NDUFA5: variants seen among roughly 807,000 people sequenced by gnomAD.
NDUFA5 encodes the protein NADH dehydrogenase [ubiquinone] 1 alpha subcomplex subunit 5.
Under a neutral mutation model 19.8 loss-of-function variants are expected in NDUFA5, and 11 were observed. The observed-to-expected ratio is 0.56, with a 90% CI of 0.35 to 0.92. NDUFA5 has a LOEUF of 0.92. NDUFA5 is among the 40% of genes least tolerant of loss of function. The probability of loss-of-function intolerance (pLI) is 0.01; values close to 1 mark genes in which losing one functional copy is unlikely to be tolerated. For missense variants in NDUFA5, 109 were observed against 134.2 expected (o/e 0.81, Z 0.93); for synonymous variants, 47 against 46.8 (o/e 1.00, Z -0.01).
At position 123,540,924 on chromosome 7, in the gene NDUFA5, A is replaced by ACAC. The variant is rs1797922108; in HGVS notation, c.*1192_*1194dup. On this transcript the variant is annotated 3_prime_UTR_variant, in exon 5 of 5. Transcript: ENST00000355749. ...CACACACACACACACACACACACAC[A>ACAC]CACACACACACGTATACACAAAACC... is the stretch of plus-strand genomic sequence containing the variant. 1 of 152,844 alleles carries ACAC rather than the reference A, an allele frequency of 6.5e-6. No homozygotes were observed. Among genetic ancestry groups the ACAC allele is most frequent in the Non-Finnish European group, 1.5e-5 (1 of 68,766 alleles). 9.5% of individuals were successfully genotyped at this position (152,844 alleles called of 1,614,324 possible).
rs913201102 is a variant in NDUFA5, at chr7:123,539,888, A to G, written c.*2231T>C. ...GGTAAAGAGAGCAGGATCTAGTTTC[A>G]TTTGGTACAGCCCATACAGCACAGG... On this transcript the variant is annotated 3_prime_UTR_variant, in exon 5 of 5. Coordinates refer to ENST00000355749, the MANE Select transcript of NDUFA5 (RefSeq NM_005000.5). 1 of 152,218 alleles carries G rather than the reference A, an allele frequency of 6.6e-6. No individual in the cohort carries two copies. The highest frequency in any genetic ancestry group is 6.5e-5 in the Admixed American group (1 of 15,278). The allele number at this position is 152,218 out of a possible 1,614,324, so 9.4% of individuals were successfully genotyped here.
intron 3 of NDUFA5, among the ~76,000 whole-genome samples, chr7:123,546,305 T>A (rs1417314415): frequency 6.6e-6 from 1 of 152,160 alleles, no homozygotes; most frequent in Non-Finnish European, 1.5e-5. Flanking sequence ...CAGTACATAC[T>A]AATGATTTCA....
chr7:123,555,946 T>C (rs1315710820), intron 2 of NDUFA5: 1 of 152,216 alleles, frequency 6.6e-6, no homozygotes, highest in African/African-American at 2.4e-5. Flanking sequence ...ATGGAGGCTG[T>C]GACAAGCATT....
the NDUFA5 span, among the ~76,000 whole-genome samples, chr7:123,575,185 T>C: frequency 1.3e-5 from 2 of 152,192 alleles, no homozygotes; most frequent in East Asian, 3.9e-4. Context: ...ACATTATATT[T>C]ATATTACATA....
At chr7:123,566,011 T>C in the NDUFA5 span, among the ~76,000 whole-genome samples, 1 of 145,524 alleles carries the variant, frequency 6.9e-6, no homozygotes, top group Non-Finnish European at 1.5e-5. Flanking sequence ...AGAGTGAGAC[T>C]CCGTCTAAAA....
the NDUFA5 span, among the ~76,000 whole-genome samples, chr7:123,593,983 CA>C: frequency 3.9e-5 from 6 of 152,066 alleles, no homozygotes; most frequent in East Asian, 1.2e-3. Flanking sequence ...CATTTCTTTT[CA>C]CTCTTTTTTC....
chr7:123,595,664 G>A, the NDUFA5 span, among the ~76,000 whole-genome samples: 2 of 152,190 alleles, frequency 1.3e-5, no homozygotes, highest in Admixed American at 1.3e-4. Flanking sequence ...ACCTGGCATT[G>A]CAGATGGTCA....
chr7:123,542,471 G>A (rs867498817), intron 4 of NDUFA5, among the ~76,000 whole-genome samples: 64 of 152,148 alleles, frequency 4.2e-4, no homozygotes, highest in South Asian at 6.3e-4. Flanking sequence ...AGTTTAGCTG[G>A]TGAGGTTTTT....
chr7:123,561,468 G>C (rs1798686882), upstream of NDUFA5, among the ~76,000 whole-genome samples: 1 of 152,110 alleles, frequency 6.6e-6, no homozygotes, highest in Admixed American at 6.5e-5. Context: ...TCTAATTCTG[G>C]TTCTCTTGCT....
At chr7:123,544,264 C>A (rs62484467) in intron 4 of NDUFA5, among the ~76,000 whole-genome samples, 40,774 of 151,688 alleles carry the variant, frequency 0.27, 5,801 homozygotes, top group Middle Eastern at 0.38. Flanking sequence ...TTTGGGAGGC[C>A]GAGGCAGGCA....
upstream of NDUFA5, among the ~76,000 whole-genome samples, chr7:123,558,974 T>C (rs771908105): frequency 2.3e-4 from 35 of 151,482 alleles, no homozygotes; most frequent in Non-Finnish European, 5.0e-4. Context: ...AAAGGAAATA[T>C]TAAAGATTAG....
chr7:123,564,920 C>CAT, the NDUFA5 span, among the ~76,000 whole-genome samples: 6 of 147,736 alleles, frequency 4.1e-5, no homozygotes, highest in East Asian at 5.9e-4. Context: ...CACACACACA[C>CAT]ATATATATAC....
chr7:123,593,835 G>T, the NDUFA5 span, among the ~76,000 whole-genome samples: 2 of 152,164 alleles, frequency 1.3e-5, no homozygotes, highest in Non-Finnish European at 2.9e-5. Context: ...TGCCTTGCTA[G>T]GTTGGGGAAG....
chr7:123,546,359 G>A (rs189472508), intron 3 of NDUFA5, among the ~76,000 whole-genome samples: 1 of 152,216 alleles, frequency 6.6e-6, no homozygotes, highest in Non-Finnish European at 1.5e-5. Flanking sequence ...TCCAAATAGA[G>A]ATTAACTTTA....
chr7:123,549,151 C>T (rs1244481093), intron 3 of NDUFA5, among the ~76,000 whole-genome samples: 4 of 151,984 alleles, frequency 2.6e-5, no homozygotes, highest in Non-Finnish European at 5.9e-5. Flanking sequence ...ACCAATCCCT[C>T]ATGGATACCA....
At position 123,550,600 on chromosome 7, in the gene NDUFA5, C is replaced by A. The variant is rs564860812; in HGVS notation, c.67-14G>T. On this transcript the variant is annotated splice_polypyrimidine_tract_variant and intron_variant, in intron 2 of 4. Coordinates refer to ENST00000355749, the MANE Select transcript of NDUFA5 (RefSeq NM_005000.5). Reference sequence around the variant, plus strand: ...TATTCTTAGCCTCTGAAAAGACAAACCATACAAATTTCCATAGGTTAAAAT... The same window carrying A: ...TATTCTTAGCCTCTGAAAAGACAAAACATACAAATTTCCATAGGTTAAAAT... The A allele has an allele frequency of 1.5e-5, 22 of 1,488,080 alleles. No individual in the cohort carries two copies. The highest frequency in any genetic ancestry group is 1.4e-4 in the Admixed American group (8 of 55,512). 92.2% of individuals were successfully genotyped at this position (1,488,080 alleles called of 1,614,324 possible). A position where few individuals can be genotyped will look rare whatever the true frequency, so the allele number is the denominator to read the frequency against.
chr7:123,557,875 C>T, upstream of NDUFA5: 1 of 1,610,848 alleles, frequency 6.2e-7, no homozygotes, highest in Non-Finnish European at 8.5e-7. Context: ...GAGGTCGCCA[C>T]TCTGTCACCC....
chr7:123,554,173 T>C (rs958430486), intron 2 of NDUFA5, among the ~76,000 whole-genome samples: 2 of 152,174 alleles, frequency 1.3e-5, no homozygotes, highest in Non-Finnish European at 2.9e-5. Flanking sequence ...GTTGGAAAAT[T>C]TAGTATGAAG....
upstream of NDUFA5, among the ~76,000 whole-genome samples, chr7:123,559,331 A>T (rs928922683): frequency 2.6e-5 from 4 of 151,256 alleles, no homozygotes; most frequent in African/African-American, 9.7e-5. Flanking sequence ...AAAAAAACCT[A>T]TCCAGAAGGA....
Sources: gnomAD v4.1 joint callset for allele counts (sites outside exome capture counted in the v4.1 genomes callset) on GRCh38, gnomAD v4.1.1 for gene constraint, MANE v1.5 for transcripts, NCBI Gene and HGNC (gene_info 2026-07-23, HGNC 2026-07-21) for gene names.